The following EFCAB11 variants were observed in gnomAD, a reference collection of about 807,000 sequenced individuals.
EFCAB11 encodes EF-hand calcium binding domain 11.
A neutral mutation model predicts 23.0 loss-of-function variants in EFCAB11; 14 were observed. That is an observed-to-expected ratio of 0.61 (90% confidence interval 0.40 to 0.95). The LOEUF (loss-of-function observed/expected upper bound fraction) is 0.95. Ranked by LOEUF, EFCAB11 falls within the 40% of genes least tolerant of loss-of-function variation. The pLI, the probability that EFCAB11 is intolerant of heterozygous loss-of-function variation, is 0.00. For missense variants in EFCAB11, 198 were observed against 195.8 expected, an observed-to-expected ratio of 1.01 and a Z score of -0.07; for synonymous variants, 65 against 66.6, an observed-to-expected ratio of 0.98 and a Z score of 0.11.
At chr14:89,924,114 C>A in intron 5 of EFCAB11, 1 of 985,692 alleles carries the variant, frequency 1.0e-6, no homozygotes, top group Non-Finnish European at 1.2e-6. Context: ...ATTCCTAAGA[C>A]CCAGCCCCCA....
chr14:89,931,301 T>A, intron 5 of EFCAB11: 1 of 475,150 alleles, frequency 2.1e-6, no homozygotes, highest in Non-Finnish European at 3.7e-6. Flanking sequence ...TACTCATAAG[T>A]GCTTGTATGC....
chr14:89,945,627 T>C (rs1189537722), intron 3 of EFCAB11, among the ~76,000 whole-genome samples: 4 of 152,226 alleles, frequency 2.6e-5, no homozygotes, highest in Non-Finnish European at 5.9e-5. Context: ...TGTATTGACA[T>C]GTTTAATGGC....
At chr14:89,902,611 G>T (rs1889375263) in intron 5 of EFCAB11, among the ~76,000 whole-genome samples, 1 of 152,000 alleles carries the variant, frequency 6.6e-6, no homozygotes, top group South Asian at 2.1e-4. Context: ...AATTCATATT[G>T]GGTTTACTTA....
chr14:89,797,593 C>T (rs895683258), intron 5 of EFCAB11, among the ~76,000 whole-genome samples: 5 of 152,130 alleles, frequency 3.3e-5, no homozygotes, highest in Middle Eastern at 3.4e-3. Context: ...AAAAAAGAAA[C>T]GGCTCTTTCT....
intron 5 of EFCAB11, among the ~76,000 whole-genome samples, chr14:89,911,376 G>T (rs1018436735): frequency 6.6e-6 from 1 of 152,196 alleles, no homozygotes. Context: ...AGTGACAAGG[G>T]GGGTTTGGGG....
chr14:89,799,012 C>A (rs564247564), intron 5 of EFCAB11, among the ~76,000 whole-genome samples: 1 of 152,322 alleles, frequency 6.6e-6, no homozygotes, highest in South Asian at 2.1e-4. Flanking sequence ...TGGTCTCGAA[C>A]TCCTGAGCTC....
chr14:89,853,682 TTTTCTATGGCA>T (rs1455805779), intron 5 of EFCAB11, among the ~76,000 whole-genome samples: 1 of 152,188 alleles, frequency 6.6e-6, no homozygotes, highest in Non-Finnish European at 1.5e-5. Context: ...TGATCCTTTG[TTTTCTATGGCA>T]TCATACAAAA....
chr14:89,801,623 C>T (rs1372961614), intron 5 of EFCAB11, among the ~76,000 whole-genome samples: 2 of 152,206 alleles, frequency 1.3e-5, no homozygotes, highest in Admixed American at 1.3e-4. Context: ...ATTTGCAGAA[C>T]TGGACTCAGT....
chr14:89,916,134 G>A (rs1395639063), intron 5 of EFCAB11, among the ~76,000 whole-genome samples: 2 of 149,084 alleles, frequency 1.3e-5, no homozygotes, highest in African/African-American at 2.5e-5. Flanking sequence ...AACAATTTGT[G>A]TTTTCTAGGG....
intron 5 of EFCAB11, among the ~76,000 whole-genome samples, chr14:89,859,365 G>C (rs554507683): frequency 2.9e-4 from 44 of 152,234 alleles, no homozygotes; most frequent in African/African-American, 1.0e-3. Context: ...TCTAATTTCT[G>C]CCAGAATCAG....
intron 5 of EFCAB11, among the ~76,000 whole-genome samples, chr14:89,845,430 A>T (rs1381402437): frequency 2.0e-5 from 3 of 152,164 alleles, no homozygotes; most frequent in African/African-American, 7.2e-5. Context: ...CATACTTCTT[A>T]TATTACTTTT....
chr14:89,940,409 AAAT>A (rs1271180073), intron 3 of EFCAB11, among the ~76,000 whole-genome samples: 1 of 152,250 alleles, frequency 6.6e-6, no homozygotes, highest in African/African-American at 2.4e-5. Context: ...AAATTTAGAA[AAAT>A]AATACCTTTA....
chr14:89,952,482 A>T, intron 2 of EFCAB11: 1 of 985,412 alleles, frequency 1.0e-6, no homozygotes, highest in Non-Finnish European at 1.2e-6. Context: ...GATTACAGGT[A>T]AACAGGAGAG....
intron 5 of EFCAB11, among the ~76,000 whole-genome samples, chr14:89,914,060 G>GT (rs1345115108): frequency 2.0e-5 from 3 of 152,206 alleles, no homozygotes; most frequent in Non-Finnish European, 4.4e-5. Context: ...CAGCAACCCT[G>GT]TGCTCCCTTC....
chr14:89,842,226 C>T (rs1357563203), intron 5 of EFCAB11, among the ~76,000 whole-genome samples: 2 of 152,194 alleles, frequency 1.3e-5, no homozygotes, highest in Non-Finnish European at 2.9e-5. Context: ...CTCTGATTGC[C>T]ACAATGACCC....
intron 5 of EFCAB11, among the ~76,000 whole-genome samples, chr14:89,914,461 CA>C (rs1489976505): frequency 1.3e-5 from 2 of 152,110 alleles, no homozygotes; most frequent in African/African-American, 4.8e-5. Flanking sequence ...AAAAACTGAG[CA>C]GTAAAAAATC....
intron 2 of EFCAB11, 32 bp downstream of exon 2, chr14:89,953,874 A>T (rs200307374): frequency 2.2e-5 from 34 of 1,574,770 alleles, no homozygotes; most frequent in Admixed American, 1.7e-4. Flanking sequence ...TTGATCGTCT[A>T]CCCCATCCCC....
chr14:89,827,185 G>A (rs1312623735), intron 5 of EFCAB11, among the ~76,000 whole-genome samples: 2 of 152,202 alleles, frequency 1.3e-5, no homozygotes, highest in East Asian at 1.9e-4. Flanking sequence ...CCTCAGGGCT[G>A]AAGAAACAAA....
chr14:89,921,882 G>C (rs1347040998), intron 5 of EFCAB11, among the ~76,000 whole-genome samples: 1 of 152,048 alleles, frequency 6.6e-6, no homozygotes, highest in Admixed American at 6.5e-5. Flanking sequence ...ATTAAATACA[G>C]ATTTCTCTTA....
Sources: allele counts gnomAD v4.1 joint callset (sites outside exome capture counted in the v4.1 genomes callset), GRCh38; gene constraint gnomAD v4.1.1; transcripts MANE v1.5; gene names NCBI Gene and HGNC (gene_info 2026-07-23, HGNC 2026-07-21).